Variants in EPHA6 observed in about 807,000 individuals in gnomAD.
EPHA6 encodes EPH receptor A6.
EPHA6 carries 50 observed loss-of-function variants against 112.0 expected under a neutral mutation model. The observed-to-expected ratio is 0.45, with a 90% confidence interval of 0.36 to 0.56. The LOEUF is 0.56. EPHA6 is among the 20% of genes least tolerant of loss of function. The pLI is 0.00. For missense variants in EPHA6, 1,280 were observed against 1,417.4 expected, an observed-to-expected ratio of 0.90 and a Z score of 1.56; for synonymous variants, 529 against 490.7, an observed-to-expected ratio of 1.08 and a Z score of -1.03.
intron 3 of EPHA6, among the ~76,000 whole-genome samples, chr3:96,994,761 A>AGAGAGAGAGC (rs2043353407): frequency 7.3e-6 from 1 of 137,084 alleles, no homozygotes; most frequent in African/African-American, 2.8e-5. Context: ...AGAGAGAGAG[A>AGAGAGAGAGC]GCTATATATA....
intron 2 of EPHA6, among the ~76,000 whole-genome samples, chr3:96,908,105 AT>A (rs1451289226): frequency 1.1e-4 from 16 of 151,942 alleles, no homozygotes. Flanking sequence ...AATGGTAAGT[AT>A]TTGTGTATCT....
At position 97,158,315 on chromosome 3, in the gene EPHA6, C is replaced by T. The variant is rs373378357; in HGVS notation, c.1115-67949C>T. Among the ~76,000 whole-genome samples the T allele has an allele frequency of 1.2e-4, 19 of 152,134 alleles. 1 individual carries two copies. The highest frequency in any genetic ancestry group is 7.7e-4 in the East Asian group (4 of 5,186). ...TTTATTACAAAATAAGGTGAAAACA[C>T]TCATGACAACTAGTCCTCATTTCTC... is the stretch of plus-strand genomic sequence containing the variant. On this transcript the variant is annotated intron_variant, in intron 3 of 17. Coordinates refer to ENST00000389672, the MANE Select transcript of EPHA6 (RefSeq NM_001080448.3).
At chr3:97,136,368 A>G (rs1449117975) in intron 3 of EPHA6, among the ~76,000 whole-genome samples, 1 of 152,202 alleles carries the variant, frequency 6.6e-6, no homozygotes, top group East Asian at 1.9e-4. Context: ...TTTAAAAATA[A>G]AAAGATAAAA....
intron 5 of EPHA6, among the ~76,000 whole-genome samples, chr3:97,404,343 G>T (rs2109123737): frequency 6.6e-6 from 1 of 152,166 alleles, no homozygotes; most frequent in Non-Finnish European, 1.5e-5. Context: ...GTGCCAATCT[G>T]TTACGTGAGA....
chr3:96,941,094 G>A lies in EPHA6; in HGVS notation c.451-46236G>A, dbSNP rs182619429. 5.1e-3 allele frequency among the ~76,000 whole-genome samples: 770 copies of A among 152,074 alleles called. 8 individuals are homozygous for A. Among genetic ancestry groups the A allele is most frequent in the African/African-American group, 0.018 (728 of 41,462 alleles). On this transcript the variant is annotated intron_variant, in intron 2 of 17. Transcript: ENST00000389672. Reference sequence around the variant, plus strand: ...TATGTGTCTTGGAGTTGCTCTTCTCGAGGAGTATCTTTGTGGCATTCTCTT... The same window carrying A: ...TATGTGTCTTGGAGTTGCTCTTCTCAAGGAGTATCTTTGTGGCATTCTCTT...
At chr3:96,935,846 C>T (rs2107669121) in intron 2 of EPHA6, among the ~76,000 whole-genome samples, 1 of 151,204 alleles carries the variant, frequency 6.6e-6, no homozygotes, top group East Asian at 1.9e-4. Flanking sequence ...TGAGTTAATT[C>T]AATGTATTTA....
At chr3:97,406,193 G>T (rs917236941) in intron 6 of EPHA6, among the ~76,000 whole-genome samples, 1 of 152,124 alleles carries the variant, frequency 6.6e-6, no homozygotes, top group African/African-American at 2.4e-5. Flanking sequence ...GAGGGCAAGA[G>T]GAGAAATAGA....
chr3:97,758,997 T>C lies in EPHA6; in HGVS notation c.*10296T>C, dbSNP rs370207508. On this transcript the variant is annotated 3_prime_UTR_variant, in exon 18 of 18. Transcript: ENST00000389672. ...TTGGAAGGCATCAGTATATATATGC[T>C]ATTTAAAGTTTGGAAATCACCTAGG... Among the ~76,000 whole-genome samples the C allele has an allele frequency of 5.1e-4, 77 of 152,122 alleles. No homozygotes were observed. The highest frequency in any genetic ancestry group is 1.8e-3 in the African/African-American group (73 of 41,552).
intron 3 of EPHA6, among the ~76,000 whole-genome samples, chr3:97,109,116 A>G (rs1277560715): frequency 6.6e-6 from 1 of 152,204 alleles, no homozygotes; most frequent in Non-Finnish European, 1.5e-5. Context: ...CTTGAGAGAA[A>G]GAACCATGAT....
chr3:97,362,660 T>C (rs1397633717), intron 5 of EPHA6, among the ~76,000 whole-genome samples: 1 of 152,004 alleles, frequency 6.6e-6, no homozygotes, highest in African/African-American at 2.4e-5. Flanking sequence ...ATGCTATTTT[T>C]TGAAAAAATA....
Position 97,519,967 on chromosome 3 carries a change from A to ATT in EPHA6, c.2201-12374_2201-12373dup, listed in dbSNP as rs570022502. On this transcript the variant is annotated intron_variant, in intron 10 of 17. Transcript: ENST00000389672. The stretch of plus-strand genomic sequence containing the variant: ...TTTCCTTTTTTCTAGTTTGGATGCA[A>ATT]TTTTTTTTTTTTTTTTTTGAGACAG... Among the ~76,000 whole-genome samples, 889 of 133,720 alleles carry ATT rather than the reference A, an allele frequency of 6.6e-3. 14 individuals are homozygous for ATT. The highest frequency in any genetic ancestry group is 0.023 in the African/African-American group (834 of 36,324). The allele number at this position is 133,720 out of a possible 152,430, so 87.7% of individuals were successfully genotyped here.
chr3:96,851,805 A>C (rs535870504), intron 1 of EPHA6, among the ~76,000 whole-genome samples: 19 of 152,010 alleles, frequency 1.2e-4, no homozygotes, highest in African/African-American at 4.6e-4. Context: ...TACGGCCTGG[A>C]GTGCTGCGCT....
intron 12 of EPHA6, 147 bp from the exon 13 acceptor site, chr3:97,610,646 T>C (rs2093711638): frequency 7.4e-6 from 5 of 673,956 alleles, no homozygotes; most frequent in Non-Finnish European, 1.3e-5. Context: ...ATGTATAATA[T>C]GAATACGTTT....
intron 3 of EPHA6, among the ~76,000 whole-genome samples, chr3:97,122,097 G>A (rs1050074547): frequency 6.6e-6 from 1 of 152,012 alleles, no homozygotes; most frequent in Admixed American, 6.6e-5. Flanking sequence ...AAATACAGTA[G>A]AATGATTACC....
At position 96,838,986 on chromosome 3, in the gene EPHA6, G is replaced by T. The variant is rs560685659; in HGVS notation, c.385+23978G>T. Among the ~76,000 whole-genome samples the T allele has an allele frequency of 1.5e-3, 230 of 152,202 alleles. 1 individual carries two copies. The highest frequency in any genetic ancestry group is 5.4e-3 in the African/African-American group (223 of 41,552). Reference sequence around the variant, plus strand: ...AATGAACAGTTTTACCTAGCAAGTGGTTCCCAGCTGAGAAAGAGGCTACAC... The same window carrying T: ...AATGAACAGTTTTACCTAGCAAGTGTTTCCCAGCTGAGAAAGAGGCTACAC... On this transcript the variant is annotated intron_variant, in intron 1 of 17. Transcript: ENST00000389672.
At chr3:97,480,005 A>C (rs1482843549) in intron 9 of EPHA6, among the ~76,000 whole-genome samples, 1 of 152,188 alleles carries the variant, frequency 6.6e-6, no homozygotes, top group African/African-American at 2.4e-5. Context: ...GAGACACTGA[A>C]TTAACAAGAA....
At chr3:97,153,920 C>G (rs1294082787) in intron 3 of EPHA6, among the ~76,000 whole-genome samples, 1 of 152,204 alleles carries the variant, frequency 6.6e-6, no homozygotes, top group African/African-American at 2.4e-5. Flanking sequence ...AATCCCAGCA[C>G]TTTGGGAGGC....
intron 5 of EPHA6, among the ~76,000 whole-genome samples, chr3:97,261,017 G>A (rs2079482798): frequency 6.6e-6 from 1 of 152,122 alleles, no homozygotes; most frequent in Non-Finnish European, 1.5e-5. Context: ...TGACAAATTA[G>A]GCAGGAAGTT....
At chr3:97,351,117 C>CA (rs1274372999) in intron 5 of EPHA6, among the ~76,000 whole-genome samples, 2 of 152,012 alleles carry the variant, frequency 1.3e-5, no homozygotes, top group Non-Finnish European at 2.9e-5. Context: ...TACAAGGGAC[C>CA]AAAAAAATGG....
Sources: allele counts gnomAD v4.1 joint callset (sites outside exome capture counted in the v4.1 genomes callset), GRCh38; gene constraint gnomAD v4.1.1; transcripts MANE v1.5; gene names NCBI Gene and HGNC (gene_info 2026-07-23, HGNC 2026-07-21).